ATP6V0A4: variants seen among roughly 807,000 people sequenced by gnomAD.
ATP6V0A4 encodes the protein V-type proton ATPase 116 kDa subunit a 4.
ATP6V0A4 carries 86 observed loss-of-function variants against 107.3 expected under a neutral mutation model. The observed-to-expected ratio is 0.80, with a 90% confidence interval of 0.67 to 0.96. The LOEUF is 0.96. ATP6V0A4 is among the 40% of genes least tolerant of loss of function. ATP6V0A4 has a pLI of 0.00. For synonymous variants in ATP6V0A4, 353 were observed against 381.4 expected (o/e 0.93, Z 0.87); for missense variants, 908 against 1,045.6 (o/e 0.87, Z 1.81).
intron 13 of ATP6V0A4, among the ~76,000 whole-genome samples, chr7:138,746,000 A>AATGATATATATTT (rs1805925027): frequency 2.2e-5 from 2 of 89,356 alleles, no homozygotes; most frequent in East Asian, 5.9e-4. Flanking sequence ...TATAAATATA[A>AATGATATATATTT]ATAATATATA....
At chr7:138,711,045 C>A (rs1235257806) in intron 20 of ATP6V0A4, among the ~76,000 whole-genome samples, 2 of 152,088 alleles carry the variant, frequency 1.3e-5, no homozygotes, top group African/African-American at 4.8e-5. Context: ...TGCCACACAG[C>A]CCCCTCTGGC....
intron 5 of ATP6V0A4, 41 bp from the exon 6 acceptor site, chr7:138,763,066 C>T (rs1257172888): frequency 6.2e-7 from 1 of 1,610,870 alleles, no homozygotes; most frequent in Admixed American, 1.7e-5. Flanking sequence ...ACAGAAAGTG[C>T]TATGACATTC....
At position 138,762,889 on chromosome 7, in the gene ATP6V0A4, CACGTGACCACCTCA is replaced by C; in HGVS notation, c.414_417+10del. The C allele has an allele frequency of 1.2e-6, 2 of 1,613,934 alleles. No homozygotes were observed. Among genetic ancestry groups the C allele is most frequent in the Non-Finnish European group, 1.7e-6 (2 of 1,179,878 alleles). Reference sequence around the variant, plus strand: ...AACGGGCCCTTTAGTAACTCATCCCCACGTGACCACCTCAAAGAAGTCTTGGGTTTTCTTCAGGA... The same window carrying C: ...AACGGGCCCTTTAGTAACTCATCCCCAAGAAGTCTTGGGTTTTCTTCAGGA... On this transcript the variant is annotated splice_donor_variant and splice_donor_5th_base_variant and coding_sequence_variant and intron_variant, in exon 6 of 22. Transcript: ENST00000310018. LOFTEE classifies it high-confidence loss of function.
At chr7:138,715,521 C>T (rs1793617199) in intron 20 of ATP6V0A4, among the ~76,000 whole-genome samples, 1 of 152,028 alleles carries the variant, frequency 6.6e-6, no homozygotes, top group Non-Finnish European at 1.5e-5. Context: ...TGTTTTAAGC[C>T]ACGAGTGTTT....
At chr7:138,763,176 GACACACACAGACACACACACAC>G in intron 5 of ATP6V0A4, 151 bp from the exon 6 acceptor site, 1 of 815,292 alleles carries the variant, frequency 1.2e-6, no homozygotes. Context: ...GACACACACA[GACACACACAGACACACACACAC>G]ACACACACAC....
chr7:138,758,739 A>ATTTTTTTTTTTT lies in ATP6V0A4; in HGVS notation c.639+1001_639+1012dup, dbSNP rs398006555. On this transcript the variant is annotated intron_variant, in intron 8 of 21. Coordinates refer to ENST00000310018, the MANE Select transcript of ATP6V0A4 (RefSeq NM_020632.3). ...CCCCACTCAGACCCACTGACTCAGAATTTTTTTTTTTTTTTTTTTTTTTTT... is the reference window on the plus strand; with the variant it reads ...CCCCACTCAGACCCACTGACTCAGAATTTTTTTTTTTTTTTTTTTTTTTTTTTTTTTTTTTTT... Among the ~76,000 whole-genome samples the ATTTTTTTTTTTT allele has an allele frequency of 6.1e-4, 36 of 59,200 alleles. 1 individual carries two copies. The highest frequency in any genetic ancestry group is 1.6e-3 in the East Asian group (3 of 1,848). The allele number at this position is 59,200 out of a possible 152,430, so 38.8% of individuals were successfully genotyped here.
intron 21 of ATP6V0A4, 168 bp from the exon 22 acceptor site, chr7:138,706,885 G>C: frequency 2.0e-6 from 1 of 502,670 alleles, no homozygotes; most frequent in Non-Finnish European, 2.5e-6. Flanking sequence ...TGAGAATCCT[G>C]AGGATTTTTT....
chr7:138,707,795 G>C (rs1451605429), intron 21 of ATP6V0A4, among the ~76,000 whole-genome samples: 1 of 150,186 alleles, frequency 6.7e-6, no homozygotes, highest in Non-Finnish European at 1.5e-5. Context: ...CTCTCTGCTT[G>C]TGGGCTCATG....
At chr7:138,768,895 A>G (rs2117331929) in intron 4 of ATP6V0A4, 21 bp from the exon 5 acceptor site, 1 of 1,613,844 alleles carries the variant, frequency 6.2e-7, no homozygotes, top group Non-Finnish European at 8.5e-7. Context: ...AAAACCCACC[A>G]GAAACCCCAA....
Position 138,706,458 on chromosome 7 carries a change from A to G in ATP6V0A4, c.*166T>C. On this transcript the variant is annotated 3_prime_UTR_variant, in exon 22 of 22. Coordinates refer to ENST00000310018, the MANE Select transcript of ATP6V0A4 (RefSeq NM_020632.3). ...CAAAGTCCTTCCTCTGACGTGGTTA[A>G]GTCGTATCAAATCCACAGGCTGACG... is the stretch of plus-strand genomic sequence containing the variant. The G allele has an allele frequency of 1.2e-6, 1 of 802,704 alleles. No individual in the cohort carries two copies. The highest frequency in any genetic ancestry group is 2.0e-6 in the Non-Finnish European group (1 of 490,286). The allele number at this position is 802,704 out of a possible 1,614,324, so 49.7% of individuals were successfully genotyped here. A position where few individuals can be genotyped will look rare whatever the true frequency, so the allele number is the denominator to read the frequency against.
rs762191582 is a variant in ATP6V0A4 at position 138,762,891 on chromosome 7, C to T, written c.417+9G>A. ...CGGGCCCTTTAGTAACTCATCCCCA[C>T]GTGACCACCTCAAAGAAGTCTTGGG... On this transcript the variant is annotated intron_variant, in intron 6 of 21. Coordinates refer to ENST00000310018, the MANE Select transcript of ATP6V0A4 (RefSeq NM_020632.3). 9 of 1,613,844 alleles carry T rather than the reference C, an allele frequency of 5.6e-6. No homozygotes were observed. The highest frequency in any genetic ancestry group is 2.2e-5 in the East Asian group (1 of 44,888).
Position 138,755,686 on chromosome 7 carries a change from C to T in ATP6V0A4, c.816+3G>A, listed in dbSNP as rs1806475805. On this transcript the variant is annotated splice_donor_region_variant and intron_variant, in intron 10 of 21. Transcript: ENST00000310018. ...AGACCATGCGCCCAAACCCCTCACTCACGGTGATTAAATCTTCCAGCCTCA... is the reference window on the plus strand; with the variant it reads ...AGACCATGCGCCCAAACCCCTCACTTACGGTGATTAAATCTTCCAGCCTCA... 8 of 1,613,720 alleles carry T rather than the reference C, an allele frequency of 5.0e-6. No homozygotes were observed. Among genetic ancestry groups the T allele is most frequent in the Non-Finnish European group, 6.8e-6 (8 of 1,180,020 alleles).
At chr7:138,790,669 A>G (rs1354033301) in intron 1 of ATP6V0A4, among the ~76,000 whole-genome samples, 1 of 152,192 alleles carries the variant, frequency 6.6e-6, no homozygotes, top group Non-Finnish European at 1.5e-5. Context: ...CAAACATTGT[A>G]ATATTGAGAT....
chr7:138,794,064 C>A (rs569532268), intron 1 of ATP6V0A4, among the ~76,000 whole-genome samples: 1 of 152,208 alleles, frequency 6.6e-6, no homozygotes, highest in African/African-American at 2.4e-5. Flanking sequence ...AGACCCATCA[C>A]TGAAGGGCAG....
intron 17 of ATP6V0A4, among the ~76,000 whole-genome samples, chr7:138,732,576 T>C (rs1350047402): frequency 2.0e-5 from 3 of 152,112 alleles, no homozygotes; most frequent in East Asian, 3.9e-4. Context: ...GGTAGATTGC[T>C]TGAGGTCATG....
rs1805188288 is a variant in ATP6V0A4, at chr7:138,734,237, T to C, written c.1590A>G (p.Ser530=). Reference sequence around the variant, plus strand: ...ACGAGTTCAGAAATGTGAGTTTGTTTGAAGCCAAGTTCCAAATCTGGATGG... The same window carrying C: ...ACGAGTTCAGAAATGTGAGTTTGTTCGAAGCCAAGTTCCAAATCTGGATGG... The part of the protein sequence containing the change: ...FGIDPIWNLA[S]NKLTFLNSYK... The change falls in exon 16 of 22, where the codon TCA becomes TCG. Residue 530 remains serine, a synonymous_variant. Transcript: ENST00000310018. The C allele has an allele frequency of 6.2e-7, 1 of 1,613,518 alleles. No homozygotes were observed. Among genetic ancestry groups the C allele is most frequent in the Non-Finnish European group, 8.5e-7 (1 of 1,179,604 alleles).
chr7:138,739,755 G>A (rs540429806), intron 14 of ATP6V0A4, 122 bp from the exon 15 acceptor site: 54 of 1,517,202 alleles, frequency 3.6e-5, no homozygotes, highest in Admixed American at 7.8e-5. Context: ...CATCACTTTG[G>A]TTGGTTCAAT....
chr7:138,714,789 T>C (rs1803948513), intron 20 of ATP6V0A4, among the ~76,000 whole-genome samples: 1 of 152,046 alleles, frequency 6.6e-6, no homozygotes, highest in Non-Finnish European at 1.5e-5. Flanking sequence ...CCTGAAAAAA[T>C]ATGTTCCCCC....
chr7:138,768,811 G>A lies in ATP6V0A4; in HGVS notation c.260C>T (p.Thr87Ile). 1 of 1,614,192 alleles carries A rather than the reference G, an allele frequency of 6.2e-7. No individual in the cohort carries two copies. Among genetic ancestry groups the A allele is most frequent in the South Asian group, 1.1e-5 (1 of 91,082 alleles). ...VVQLLEKSPL[T>I]PLPREMITLE... is the part of the protein sequence containing the mutation. ...GGTAATCATTTCCCGTGGGAGCGGG[G>A]TCAGTGGGCTTTTCTCGAGCAACTG... The change falls in exon 5 of 22, where the codon ACC (threonine) becomes ATC (isoleucine). Residue 87 changes from threonine to isoleucine, a missense_variant. Physicochemically the swap from Thr to Ile is moderately conservative, Grantham distance 89 (BLOSUM62 -1). Coordinates refer to ENST00000310018, the MANE Select transcript of ATP6V0A4 (RefSeq NM_020632.3).
Sources: allele counts gnomAD v4.1 joint callset (sites outside exome capture counted in the v4.1 genomes callset), GRCh38; gene constraint gnomAD v4.1.1; transcripts MANE v1.5; gene names NCBI Gene and HGNC (gene_info 2026-07-23, HGNC 2026-07-21).